Variants in OSBPL1A observed in about 807,000 individuals in gnomAD.
OSBPL1A encodes the protein oxysterol-binding protein-related protein 1.
In OSBPL1A, 80 loss-of-function variants were observed where a neutral mutation model predicts 137.1. That is an observed-to-expected ratio of 0.58 (90% CI 0.49 to 0.70). The LOEUF is 0.70. Ranked by LOEUF, OSBPL1A falls within the 30% of genes least tolerant of loss-of-function variation. The probability of loss-of-function intolerance (pLI) is 0.00; values close to 1 mark genes in which losing one functional copy is unlikely to be tolerated. For missense variants in OSBPL1A, 970 were observed against 1,129.4 expected, an observed-to-expected ratio of 0.86 and a Z score of 2.02; for synonymous variants, 365 against 389.7, an observed-to-expected ratio of 0.94 and a Z score of 0.75.
chr18:24,366,777 A>AT (rs1340766394), intron 4 of OSBPL1A, 115 bp downstream of exon 4: 5 of 1,030,370 alleles, frequency 4.9e-6, no homozygotes, highest in South Asian at 1.8e-5. Flanking sequence ...TGGTGTATAC[A>AT]TTTTTTTGTG....
At chr18:24,252,556 C>T (rs899518902) in intron 15 of OSBPL1A, among the ~76,000 whole-genome samples, 4 of 151,828 alleles carry the variant, frequency 2.6e-5, no homozygotes, top group African/African-American at 9.7e-5. Context: ...CAACACCAGA[C>T]GTGTCCTACA....
intron 13 of OSBPL1A, among the ~76,000 whole-genome samples, chr18:24,305,620 G>C (rs1226903771): frequency 1.3e-5 from 2 of 152,096 alleles, no homozygotes; most frequent in African/African-American, 4.8e-5. Flanking sequence ...GTCCAACATG[G>C]TTTCTCATTT....
intron 21 of OSBPL1A, 25 bp downstream of exon 21, chr18:24,177,988 G>A: frequency 1.9e-6 from 3 of 1,600,354 alleles, no homozygotes; most frequent in Non-Finnish European, 1.7e-6. Flanking sequence ...CATGAAAAGA[G>A]TGTAATGGCT....
chr18:24,315,906 TATATA>T (rs2090726295), intron 11 of OSBPL1A, among the ~76,000 whole-genome samples: 3 of 134,122 alleles, frequency 2.2e-5, no homozygotes, highest in Admixed American at 1.8e-4. Flanking sequence ...TATTATATAT[TATATA>T]ATATTATAAT....
intron 18 of OSBPL1A, among the ~76,000 whole-genome samples, chr18:24,183,485 T>G (rs1292248271): frequency 6.6e-6 from 1 of 151,064 alleles, no homozygotes; most frequent in Non-Finnish European, 1.5e-5. Context: ...CAGGCTGGAG[T>G]GCAAAGGCGC....
At chr18:24,374,121 G>A (rs1271848941) in intron 2 of OSBPL1A, among the ~76,000 whole-genome samples, 2 of 152,062 alleles carry the variant, frequency 1.3e-5, no homozygotes, top group African/African-American at 2.4e-5. Context: ...GCTGAAGAAT[G>A]GGGGGAAATT....
chr18:24,378,911 C>A (rs796822753), intron 1 of OSBPL1A, among the ~76,000 whole-genome samples: 1 of 151,406 alleles, frequency 6.6e-6, no homozygotes, highest in Non-Finnish European at 1.5e-5. Context: ...CCCACCCACT[C>A]TCTCAGTTTT....
At chr18:24,274,454 C>T (rs1417992785) in intron 15 of OSBPL1A, among the ~76,000 whole-genome samples, 1 of 152,086 alleles carries the variant, frequency 6.6e-6, no homozygotes, top group Non-Finnish European at 1.5e-5. Context: ...TAGATCAGAA[C>T]TCAGGAGAAG....
In OSBPL1A at chr18:24,175,131, TATATAC is replaced by T. The variant is rs1567920330; in HGVS notation, c.2094-2654_2094-2649del. On this transcript the variant is annotated intron_variant, in intron 21 of 27. Coordinates refer to ENST00000319481, the MANE Select transcript of OSBPL1A (RefSeq NM_080597.4). ...ATGTATATATATATATATATATATA[TATATAC>T]ACATATATATATATATATGAAGTAT... Among the ~76,000 whole-genome samples, 30 of 124,474 alleles carry T rather than the reference TATATAC, an allele frequency of 2.4e-4. 1 individual carries two copies. The highest frequency in any genetic ancestry group is 6.5e-4 in the East Asian group (3 of 4,650). 81.7% of individuals were successfully genotyped at this position (124,474 alleles called of 152,430 possible). A position where few individuals can be genotyped will look rare whatever the true frequency, so the allele number is the denominator to read the frequency against.
rs1412304937 is a variant in OSBPL1A, at chr18:24,255,831, A to T, written c.1282-16449T>A. ...GAGTGCAGTGGTGCGCTCTCTGCTC[A>T]CTGCAGCTTCTGCCTCCCAAGTAGT... On this transcript the variant is annotated intron_variant, in intron 15 of 27. Coordinates refer to ENST00000319481, the MANE Select transcript of OSBPL1A (RefSeq NM_080597.4). Among the ~76,000 whole-genome samples the T allele has an allele frequency of 4.8e-5, 7 of 146,734 alleles. No homozygotes were observed. In the Admixed American group the frequency reaches 4.9e-4, roughly 10 times the overall value.
intron 1 of OSBPL1A, among the ~76,000 whole-genome samples, chr18:24,396,210 ACT>A (rs1477639737): frequency 3.7e-5 from 5 of 136,896 alleles, no homozygotes; most frequent in Middle Eastern, 3.8e-3. Context: ...ACAGAGCGAG[ACT>A]CTGTCTCAAT....
chr18:24,314,705 T>C (rs1269326595), intron 11 of OSBPL1A, among the ~76,000 whole-genome samples: 1 of 152,212 alleles, frequency 6.6e-6, no homozygotes, highest in Non-Finnish European at 1.5e-5. Flanking sequence ...CTTACCTTTT[T>C]GTTTGAGCTG....
chr18:24,163,969 A>T (rs1272779025), intron 27 of OSBPL1A, among the ~76,000 whole-genome samples: 1 of 152,110 alleles, frequency 6.6e-6, no homozygotes, highest in Non-Finnish European at 1.5e-5. Flanking sequence ...TGACCTCATG[A>T]TCTGCCCACC....
At chr18:24,283,281 A>AAAATATATAT (rs1246058393) in intron 14 of OSBPL1A, among the ~76,000 whole-genome samples, 14 of 78,362 alleles carry the variant, frequency 1.8e-4, no homozygotes, top group African/African-American at 6.3e-4. Flanking sequence ...AAAAAAAAAA[A>AAAATATATAT]ATATATATAT....
At chr18:24,254,603 A>AT (rs1769199932) in intron 15 of OSBPL1A, among the ~76,000 whole-genome samples, 1 of 152,258 alleles carries the variant, frequency 6.6e-6, no homozygotes, top group Non-Finnish European at 1.5e-5. Flanking sequence ...CAATGAGGAA[A>AT]TTAAGAAATT....
intron 7 of OSBPL1A, among the ~76,000 whole-genome samples, chr18:24,328,856 C>T (rs540241835): frequency 1.0e-3 from 155 of 152,156 alleles, no homozygotes; most frequent in African/African-American, 3.6e-3. Context: ...TACTGTTTAC[C>T]GATTATATGT....
intron 24 of OSBPL1A, among the ~76,000 whole-genome samples, chr18:24,169,489 G>A (rs2086223508): frequency 6.6e-6 from 1 of 152,228 alleles, no homozygotes; most frequent in African/African-American, 2.4e-5. Flanking sequence ...ACTATGAGCA[G>A]ATACTATTCT....
intron 1 of OSBPL1A, among the ~76,000 whole-genome samples, chr18:24,396,024 G>A (rs1402507367): frequency 6.6e-6 from 1 of 151,018 alleles, no homozygotes; most frequent in Non-Finnish European, 1.5e-5. Flanking sequence ...TTCGAGACCA[G>A]CCTGAACAAC....
Position 24,314,231 on chromosome 18 carries a change from A to G in OSBPL1A, c.969+18T>C, listed in dbSNP as rs374798918. 7.1e-5 allele frequency: 108 copies of G among 1,520,902 alleles called. No homozygotes were observed. In the African/African-American group the frequency reaches 1.3e-3, roughly 19 times the overall value. 94.2% of individuals were successfully genotyped at this position (1,520,902 alleles called of 1,614,324 possible). On this transcript the variant is annotated intron_variant, in intron 12 of 27. Coordinates refer to ENST00000319481, the MANE Select transcript of OSBPL1A (RefSeq NM_080597.4). ...GTTCTGTAAGTTTTAGGAAAGATAC[A>G]TGAATCCATAAGATTACCTCTCTTG...
Sources: allele counts gnomAD v4.1 joint callset (sites outside exome capture counted in the v4.1 genomes callset), GRCh38; gene constraint gnomAD v4.1.1; transcripts MANE v1.5; gene names NCBI Gene and HGNC (gene_info 2026-07-23, HGNC 2026-07-21).